DAB1: variants seen among roughly 807,000 people sequenced by gnomAD.
DAB1 encodes DAB adaptor protein 1.
A neutral mutation model predicts 64.6 loss-of-function variants in DAB1; 15 were observed. That is an observed-to-expected ratio of 0.23 (90% confidence interval 0.16 to 0.36). The LOEUF (loss-of-function observed/expected upper bound fraction) is 0.36, where lower values mean the gene tolerates loss of function less well. Among genes scored for constraint, DAB1 ranks in the 10% least tolerant of loss-of-function variants. The pLI, the probability that DAB1 is intolerant of heterozygous loss-of-function variation, is 1.00. For missense variants in DAB1, 596 were observed against 706.7 expected, an observed-to-expected ratio of 0.84 and a Z score of 1.78; for synonymous variants, 235 against 251.9, an observed-to-expected ratio of 0.93 and a Z score of 0.64.
chr1:57,748,054 C>A (rs918464531), intron 6 of DAB1, among the ~76,000 whole-genome samples: 3 of 152,088 alleles, frequency 2.0e-5, no homozygotes, highest in Non-Finnish European at 4.4e-5. Context: ...ACTTGCCAGG[C>A]ACTGCTCAAG....
chr1:57,314,724 C>A (rs1397550319), intron 1 of DAB1, among the ~76,000 whole-genome samples: 2 of 151,378 alleles, frequency 1.3e-5, no homozygotes, highest in African/African-American at 4.9e-5. Context: ...CCCAGGCCAG[C>A]CTGGGCAACA....
chr1:57,155,199 G>T (rs945972446), intron 2 of DAB1, among the ~76,000 whole-genome samples: 2 of 152,270 alleles, frequency 1.3e-5, no homozygotes, highest in Non-Finnish European at 1.5e-5. Context: ...GATTTGATCT[G>T]TGTATATGGC....
chr1:57,251,916 C>T (rs1387821611), intron 2 of DAB1, among the ~76,000 whole-genome samples: 2 of 152,188 alleles, frequency 1.3e-5, no homozygotes, highest in Non-Finnish European at 2.9e-5. Flanking sequence ...AGCCCCCCAG[C>T]ACACACACCC....
At chr1:57,412,264 T>C (rs1684171521) in intron 1 of DAB1, among the ~76,000 whole-genome samples, 1 of 152,214 alleles carries the variant, frequency 6.6e-6, no homozygotes, top group African/African-American at 2.4e-5. Flanking sequence ...CACAGCAATA[T>C]TGAAATAGGC....
chr1:57,078,754 A>T (rs1652215534), intron 4 of DAB1, among the ~76,000 whole-genome samples: 1 of 152,158 alleles, frequency 6.6e-6, no homozygotes, highest in Admixed American at 6.5e-5. Context: ...ATTTGGTGCA[A>T]CTTCTCTGGA....
intron 5 of DAB1, among the ~76,000 whole-genome samples, chr1:57,913,643 C>A (rs1351112295): frequency 6.6e-6 from 1 of 152,194 alleles, no homozygotes; most frequent in Non-Finnish European, 1.5e-5. Flanking sequence ...AAACTACCAT[C>A]AGAGTGAACA....
chr1:57,317,089 G>GCTGC (rs1403981685), intron 1 of DAB1, among the ~76,000 whole-genome samples: 2 of 152,214 alleles, frequency 1.3e-5, no homozygotes, highest in African/African-American at 4.8e-5. Context: ...ATGGAAGCCA[G>GCTGC]CTGCCATATT....
chr1:58,198,502 C>A (rs951724187), intron 4 of DAB1, among the ~76,000 whole-genome samples: 10 of 152,120 alleles, frequency 6.6e-5, no homozygotes, highest in African/African-American at 2.4e-4. Context: ...GGGACTTGGG[C>A]TCACAAAAAA....
chr1:57,404,474 A>G (rs1683479336), intron 1 of DAB1, among the ~76,000 whole-genome samples: 1 of 152,212 alleles, frequency 6.6e-6, no homozygotes, highest in South Asian at 2.1e-4. Flanking sequence ...AAGGAAGAAG[A>G]CTGAAATGGA....
At chr1:58,240,761 T>C (rs1404026096) in intron 4 of DAB1, among the ~76,000 whole-genome samples, 2 of 152,212 alleles carry the variant, frequency 1.3e-5, no homozygotes, top group African/African-American at 2.4e-5. Flanking sequence ...ACGCCAAGAC[T>C]TGGTGGTTAC....
intron 5 of DAB1, among the ~76,000 whole-genome samples, chr1:58,099,163 C>A (rs894795271): frequency 6.6e-6 from 1 of 152,178 alleles, no homozygotes; most frequent in Admixed American, 6.5e-5. Flanking sequence ...CACTATAGTT[C>A]CCATGCTGGC....
intron 1 of DAB1, among the ~76,000 whole-genome samples, chr1:57,829,057 C>T (rs182055475): frequency 6.6e-6 from 1 of 152,240 alleles, no homozygotes; most frequent in Non-Finnish European, 1.5e-5. Context: ...TTAGATAATT[C>T]AATAAATGTT....
At chr1:58,288,038 A>AG (rs148138255) in intron 4 of DAB1, among the ~76,000 whole-genome samples, 4,836 of 122,620 alleles carry the variant, frequency 0.039, 640 homozygotes, top group East Asian at 0.22. Flanking sequence ...AAAAAAAAAA[A>AG]AAAAAAAGAA....
intron 4 of DAB1, among the ~76,000 whole-genome samples, chr1:58,173,420 G>A (rs1247350484): frequency 6.6e-6 from 1 of 152,114 alleles, no homozygotes. Flanking sequence ...TCCAGGTTTT[G>A]TAATGGCAAA....
chr1:57,520,230 T>G (rs1644509199), intron 7 of DAB1, among the ~76,000 whole-genome samples: 1 of 152,224 alleles, frequency 6.6e-6, no homozygotes, highest in Non-Finnish European at 1.5e-5. Flanking sequence ...TTTTCTTTTT[T>G]ATTTCCTTTC....
chr1:58,543,994 G>A (rs1646663175), intron 1 of DAB1, among the ~76,000 whole-genome samples: 1 of 152,200 alleles, frequency 6.6e-6, no homozygotes, highest in Non-Finnish European at 1.5e-5. Flanking sequence ...GTATCGCACA[G>A]TACAGGTTTG....
At chr1:57,015,773 T>C (rs1406916016) in intron 11 of DAB1, among the ~76,000 whole-genome samples, 1 of 152,252 alleles carries the variant, frequency 6.6e-6, no homozygotes, top group African/African-American at 2.4e-5. Context: ...GCAGGCCTCC[T>C]GGGTTTTCTC....
At chr1:58,171,893 C>T (rs1306228033) in intron 4 of DAB1, among the ~76,000 whole-genome samples, 1 of 152,238 alleles carries the variant, frequency 6.6e-6, no homozygotes, top group Non-Finnish European at 1.5e-5. Flanking sequence ...GCTTTGCCTA[C>T]AGCAGGTCAA....
chr1:58,290,856 TG>T (rs1661808759), intron 4 of DAB1, among the ~76,000 whole-genome samples: 1 of 152,302 alleles, frequency 6.6e-6, no homozygotes, highest in South Asian at 2.1e-4. Flanking sequence ...ACCACGTGCT[TG>T]TTTTCAGTAC....
Sources: allele counts gnomAD v4.1 joint callset (sites outside exome capture counted in the v4.1 genomes callset), GRCh38; gene constraint gnomAD v4.1.1; transcripts MANE v1.5; gene names NCBI Gene and HGNC (gene_info 2026-07-23, HGNC 2026-07-21).